The following PRLR variants were observed in gnomAD, a reference collection of about 807,000 sequenced individuals.
PRLR encodes the protein hPRL receptor.
In PRLR, 13 loss-of-function variants were observed where a neutral mutation model predicts 40.2. The ratio of observed to expected loss-of-function variants is 0.32; its 90% CI spans 0.21 to 0.51. The LOEUF (loss-of-function observed/expected upper bound fraction) is 0.51, where lower values mean the gene tolerates loss of function less well. PRLR is among the 20% of genes least tolerant of loss of function. The pLI is 0.97. For synonymous variants in PRLR, 269 were observed against 278.7 expected (o/e 0.97, Z 0.35); for missense variants, 656 against 747.3 (o/e 0.88, Z 1.42).
At position 35,065,753 on chromosome 5, in the gene PRLR, T is replaced by A; in HGVS notation, c.1205A>T (p.Lys402Ile). 1 of 1,614,150 alleles carries A rather than the reference T, an allele frequency of 6.2e-7. No individual in the cohort carries two copies. Among genetic ancestry groups the A allele is most frequent in the Non-Finnish European group, 8.5e-7 (1 of 1,180,010 alleles). The change falls in exon 10 of 10, where the codon AAA (lysine) becomes ATA (isoleucine). Residue 402 changes from lysine (K) to isoleucine (I), a missense_variant. By Grantham distance (102) the Lys-to-Ile change is moderately radical. Around this residue, in one of 3 missense-constraint regions of PRLR, gnomAD observed 469 missense variants for 491.5 expected, o/e 0.95. Coordinates refer to ENST00000618457, the MANE Select transcript of PRLR (RefSeq NM_000949.7). ...WDPQCISMEGKIPYFHAGGSK... is the reference protein window; with the variant it reads ...WDPQCISMEGIIPYFHAGGSK... ...TCCACCAGCATGAAAATAGGGGATT[T>A]TGCCTTCCATGCTTATGCACTGGGG...
At chr5:35,133,162 G>T (rs1353964218) in intron 1 of PRLR, among the ~76,000 whole-genome samples, 1 of 152,154 alleles carries the variant, frequency 6.6e-6, no homozygotes, top group Non-Finnish European at 1.5e-5. Flanking sequence ...GCCGTGGAGT[G>T]GGAGCTACAC....
intron 2 of PRLR, among the ~76,000 whole-genome samples, chr5:35,117,034 G>A (rs1342514668): frequency 6.6e-6 from 1 of 152,144 alleles, no homozygotes; most frequent in Admixed American, 6.5e-5. Flanking sequence ...TGTTAGAGCT[G>A]GGGTGGGGTG....
intron 1 of PRLR, among the ~76,000 whole-genome samples, chr5:35,224,874 T>A (rs563754197): frequency 1.4e-3 from 214 of 151,892 alleles, no homozygotes; most frequent in Middle Eastern, 3.4e-3. Flanking sequence ...GGAAAAAAAT[T>A]ATATCTTTAT....
At chr5:35,204,239 G>GAAAAA (rs138279788) in intron 1 of PRLR, among the ~76,000 whole-genome samples, 1 of 143,444 alleles carries the variant, frequency 7.0e-6, no homozygotes, top group African/African-American at 2.6e-5. Flanking sequence ...TAAATAAAAT[G>GAAAAA]AAAAAAAAAA....
chr5:35,210,633 C>A (rs564018166), intron 1 of PRLR, among the ~76,000 whole-genome samples: 56 of 152,342 alleles, frequency 3.7e-4, no homozygotes, highest in African/African-American at 1.3e-3. Context: ...AAGATTTTCT[C>A]ATTCTACAGA....
intron 1 of PRLR, among the ~76,000 whole-genome samples, chr5:35,170,146 T>C (rs2111939544): frequency 6.6e-6 from 1 of 152,310 alleles, no homozygotes; most frequent in South Asian, 2.1e-4. Context: ...ATGTAAGAAA[T>C]CACACAAATT....
rs527251574 is a variant in PRLR at position 35,104,807 on chromosome 5, A to G, written c.-44+13254T>C. Among the ~76,000 whole-genome samples, 657 of 152,302 alleles carry G rather than the reference A, an allele frequency of 4.3e-3. 3 individuals carry two copies. The highest frequency in any genetic ancestry group is 6.7e-3 in the Admixed American group (102 of 15,310). On this transcript the variant is annotated intron_variant, in intron 2 of 9. Transcript: ENST00000618457. ...CACCACTGGGGGCAGGGCATAGTGG[A>G]AAAAAAGGCAGCAGAAACTTCTGCA...
intron 1 of PRLR, among the ~76,000 whole-genome samples, chr5:35,203,153 A>T (rs1775923509): frequency 6.6e-6 from 1 of 152,148 alleles, no homozygotes; most frequent in African/African-American, 2.4e-5. Context: ...TTACCAGTCC[A>T]CCTTGTTGAC....
At chr5:35,155,002 G>T (rs1402285867) in intron 1 of PRLR, among the ~76,000 whole-genome samples, 1 of 151,948 alleles carries the variant, frequency 6.6e-6, no homozygotes, top group East Asian at 1.9e-4. Context: ...GGGGGTTCAG[G>T]GGAGGGTGGG....
intron 1 of PRLR, among the ~76,000 whole-genome samples, chr5:35,170,158 A>G (rs531527816): frequency 2.0e-5 from 3 of 152,224 alleles, no homozygotes; most frequent in Non-Finnish European, 4.4e-5. Context: ...ACACAAATTG[A>G]AATGGTAAAA....
At position 35,199,816 on chromosome 5, in the gene PRLR, C is replaced by T. The variant is rs1775832326; in HGVS notation, c.-106+30452G>A. 2.6e-5 allele frequency among the ~76,000 whole-genome samples: 4 copies of T among 151,972 alleles called. No individual in the cohort carries two copies. In the South Asian group the frequency reaches 6.2e-4, roughly 24 times the overall value. On this transcript the variant is annotated intron_variant, in intron 1 of 9. Transcript: ENST00000618457. The stretch of plus-strand genomic sequence containing the variant: ...CCTCCATAGATTCCAAATTTGCACC[C>T]GAAGGTATTAAAAATTCAAAAATGT...
At chr5:35,126,032 A>T (rs895405918) in intron 1 of PRLR, among the ~76,000 whole-genome samples, 7 of 152,152 alleles carry the variant, frequency 4.6e-5, no homozygotes, top group African/African-American at 1.7e-4. Flanking sequence ...CTGTTTTGCT[A>T]TCCAAAGCTG....
chr5:35,089,391 G>T (rs955143824), intron 3 of PRLR, among the ~76,000 whole-genome samples, 160 bp downstream of exon 3: 2 of 152,180 alleles, frequency 1.3e-5, no homozygotes, highest in African/African-American at 4.8e-5. Context: ...TAATTTTTCT[G>T]CATTAACTTT....
chr5:35,156,054 G>A (rs917600917), intron 1 of PRLR, among the ~76,000 whole-genome samples: 1 of 149,366 alleles, frequency 6.7e-6, no homozygotes, highest in Non-Finnish European at 1.5e-5. Flanking sequence ...CAGTTTATAA[G>A]TGTGTTTACT....
At chr5:35,139,970 T>C (rs1020053987) in intron 1 of PRLR, among the ~76,000 whole-genome samples, 1 of 152,180 alleles carries the variant, frequency 6.6e-6, no homozygotes, top group Admixed American at 6.5e-5. Flanking sequence ...TTTGAAGTAA[T>C]TACATTGGTG....
chr5:35,076,332 G>A (rs1770094336), intron 5 of PRLR, among the ~76,000 whole-genome samples: 2 of 152,102 alleles, frequency 1.3e-5, no homozygotes, highest in Admixed American at 6.6e-5. Flanking sequence ...AGAATAAACA[G>A]CATAGAGAAG....
At chr5:35,153,423 A>G (rs1208130409) in intron 1 of PRLR, among the ~76,000 whole-genome samples, 2 of 152,124 alleles carry the variant, frequency 1.3e-5, no homozygotes, top group African/African-American at 4.8e-5. Flanking sequence ...GCCTGTCCAG[A>G]TCTGTGGGCC....
intron 1 of PRLR, among the ~76,000 whole-genome samples, chr5:35,172,862 T>C (rs1050708039): frequency 6.6e-6 from 1 of 152,216 alleles, no homozygotes; most frequent in Non-Finnish European, 1.5e-5. Context: ...TAGTATTTAT[T>C]TAAGGAGAAA....
chr5:35,188,307 T>C (rs2112000462), intron 1 of PRLR, among the ~76,000 whole-genome samples: 1 of 152,316 alleles, frequency 6.6e-6, no homozygotes, highest in East Asian at 1.9e-4. Context: ...ATTTATTTTT[T>C]AAAGGACTGA....
Sources: allele counts gnomAD v4.1 joint callset (sites outside exome capture counted in the v4.1 genomes callset), GRCh38; gene constraint gnomAD v4.1.1; regional missense constraint gnomAD v4.1.1; transcripts MANE v1.5; gene names NCBI Gene and HGNC (gene_info 2026-07-23, HGNC 2026-07-21).